ZNF423: variants seen among roughly 807,000 people sequenced by gnomAD.
ZNF423 encodes the protein zinc finger protein 423, also known as Ebf-associated zinc finger protein.
A neutral mutation model predicts 95.8 loss-of-function variants in ZNF423; 12 were observed. That is an observed-to-expected ratio of 0.13 (90% CI 0.08 to 0.20). ZNF423 has a LOEUF of 0.20. Among genes scored for constraint, ZNF423 ranks in the 10% least tolerant of loss-of-function variants. The pLI, the probability that ZNF423 is intolerant of heterozygous loss-of-function variation, is 1.00. For synonymous variants in ZNF423, 749 were observed against 711.9 expected, an observed-to-expected ratio of 1.05 and a Z score of -0.83; for missense variants, 1,316 against 1,737.1, an observed-to-expected ratio of 0.76 and a Z score of 4.31.
chr16:49,696,605 A>G (rs999756350), intron 3 of ZNF423, among the ~76,000 whole-genome samples: 9 of 152,050 alleles, frequency 5.9e-5, no homozygotes, highest in Non-Finnish European at 1.0e-4. Context: ...GGTGGGCTGG[A>G]AGGAAAACCC....
rs1252463774 is a variant in ZNF423, at chr16:49,548,669, G to C, written c.3602-23175C>G. On this transcript the variant is annotated intron_variant, in intron 5 of 7. Coordinates refer to ENST00000563137, the MANE Select transcript of ZNF423 (RefSeq NM_001379286.1). ...GCGGAGCAGAGAGAAGGGAGAGAAG[G>C]AGACAGCCGCCTTCGGGGAAGCACA... 2.6e-5 allele frequency among the ~76,000 whole-genome samples: 4 copies of C among 152,314 alleles called. No individual in the cohort carries two copies. The East Asian group carries it at 5.8e-4, about 22-fold the overall frequency.
intron 5 of ZNF423, among the ~76,000 whole-genome samples, chr16:49,625,894 G>A (rs1430188215): frequency 6.6e-6 from 1 of 152,170 alleles, no homozygotes; most frequent in Non-Finnish European, 1.5e-5. Flanking sequence ...CTTGACAATT[G>A]GAAAGCACTT....
At chr16:49,668,754 G>A (rs912734331) in intron 3 of ZNF423, among the ~76,000 whole-genome samples, 2 of 152,174 alleles carry the variant, frequency 1.3e-5, no homozygotes, top group African/African-American at 4.8e-5. Context: ...CCCCCAGTAA[G>A]CACCAGGCCC....
At chr16:49,780,237 G>T (rs902873594) in intron 2 of ZNF423, among the ~76,000 whole-genome samples, 7 of 152,220 alleles carry the variant, frequency 4.6e-5, no homozygotes, top group African/African-American at 1.4e-4. Context: ...GTGCACAGCA[G>T]GCATGTCGAC....
Position 49,854,049 on chromosome 16 carries a change from C to A in ZNF423, c.40+1686G>T, listed in dbSNP as rs566613433. The A allele has an allele frequency of 6.1e-6, 6 of 985,340 alleles. No homozygotes were observed. The South Asian group carries it at 1.9e-4, about 31-fold the overall frequency. 61.0% of individuals were successfully genotyped at this position (985,340 alleles called of 1,614,324 possible). On this transcript the variant is annotated intron_variant, in intron 1 of 7. Coordinates refer to ENST00000563137, the MANE Select transcript of ZNF423 (RefSeq NM_001379286.1). Reference sequence around the variant, plus strand: ...AAAGAAATCCAGTATTATTTCAAGCCGTACAGCCCTTCCATCAGCAAAAGA... The same window carrying A: ...AAAGAAATCCAGTATTATTTCAAGCAGTACAGCCCTTCCATCAGCAAAAGA...
intron 3 of ZNF423, among the ~76,000 whole-genome samples, chr16:49,657,734 C>T (rs1296661810): frequency 6.6e-6 from 1 of 152,266 alleles, no homozygotes; most frequent in Non-Finnish European, 1.5e-5. Flanking sequence ...CTCCGTCCTA[C>T]TTCCTGGGAG....
chr16:49,712,906 A>G (rs766224385), intron 3 of ZNF423, among the ~76,000 whole-genome samples: 3 of 152,258 alleles, frequency 2.0e-5, no homozygotes, highest in Non-Finnish European at 2.9e-5. Context: ...ACCGTCGTGC[A>G]GGTGACAGCC....
At chr16:49,656,951 C>T (rs2029903923) in intron 3 of ZNF423, among the ~76,000 whole-genome samples, 1 of 152,180 alleles carries the variant, frequency 6.6e-6, no homozygotes, top group African/African-American at 2.4e-5. Flanking sequence ...GGGCTTTGAA[C>T]ATGGATTCCC....
Position 49,637,952 on chromosome 16 carries a change from G to GTCA in ZNF423, c.1221_1223dup (p.Asp408dup). On this transcript the variant is annotated inframe_insertion, in exon 4 of 8. Transcript: ENST00000563137. This position sits in a 1 kb window ranked among gnomAD's most constrained non-coding sequence, Gnocchi z 5.6. ...AGACCACCTTGGTCCAGCCCTGCCC[G>GTCA]TCATCCCGCATCTTCTTCTGCCCCC... is the stretch of plus-strand genomic sequence containing the variant. 1 of 1,614,088 alleles carries GTCA rather than the reference G, an allele frequency of 6.2e-7. No homozygotes were observed. Among genetic ancestry groups the GTCA allele is most frequent in the Non-Finnish European group, 8.5e-7 (1 of 1,180,034 alleles).
chr16:49,530,227 G>A (rs1231368313), intron 5 of ZNF423, among the ~76,000 whole-genome samples: 1 of 152,020 alleles, frequency 6.6e-6, no homozygotes, highest in Non-Finnish European at 1.5e-5. Flanking sequence ...ATCTGCCCTT[G>A]CTGAGACCCC....
chr16:49,607,414 T>C (rs924607207), intron 5 of ZNF423, among the ~76,000 whole-genome samples: 6 of 152,160 alleles, frequency 3.9e-5, no homozygotes, highest in Non-Finnish European at 8.8e-5. Flanking sequence ...CCCAAAGCTA[T>C]GGGTTCTTTA....
chr16:49,701,952 A>G (rs1167818971), intron 3 of ZNF423, among the ~76,000 whole-genome samples: 1 of 152,168 alleles, frequency 6.6e-6, no homozygotes, highest in Non-Finnish European at 1.5e-5. Context: ...CTCAGAATTC[A>G]GGTATTAATA....
At chr16:49,644,939 G>A (rs572630420) in intron 3 of ZNF423, among the ~76,000 whole-genome samples, 1 of 152,230 alleles carries the variant, frequency 6.6e-6, no homozygotes, top group South Asian at 2.1e-4. Flanking sequence ...AGGAGGCTGG[G>A]CCTCCACTGC....
At chr16:49,645,151 G>T (rs918925160) in intron 3 of ZNF423, among the ~76,000 whole-genome samples, 2 of 152,158 alleles carry the variant, frequency 1.3e-5, no homozygotes, top group Non-Finnish European at 2.9e-5. Flanking sequence ...TTGCCAAGGA[G>T]ACCAGTTCCC....
intron 1 of ZNF423, among the ~76,000 whole-genome samples, chr16:49,803,234 G>A (rs1281617043): frequency 6.6e-6 from 1 of 152,098 alleles, no homozygotes; most frequent in African/African-American, 2.4e-5. Flanking sequence ...ACTCTAGCCT[G>A]AGTGACACAG....
intron 3 of ZNF423, among the ~76,000 whole-genome samples, chr16:49,688,801 G>T (rs528890015): frequency 6.6e-6 from 1 of 152,352 alleles, no homozygotes; most frequent in South Asian, 2.1e-4. Flanking sequence ...GGGAGCAGAA[G>T]ACAGATTTCA....
intron 3 of ZNF423, among the ~76,000 whole-genome samples, chr16:49,661,016 T>C (rs1005193501): frequency 6.6e-6 from 1 of 151,940 alleles, no homozygotes; most frequent in Non-Finnish European, 1.5e-5. Flanking sequence ...AGGTTAGGCG[T>C]TCAAGACCAG....
chr16:49,544,006 T>C (rs771275284), intron 5 of ZNF423, among the ~76,000 whole-genome samples: 5 of 152,214 alleles, frequency 3.3e-5, no homozygotes, highest in Non-Finnish European at 7.3e-5. Flanking sequence ...TGTCAGCTGT[T>C]AAATTAACAC....
At chr16:49,518,082 T>C (rs1349496123) in intron 7 of ZNF423, 1 of 447,900 alleles carries the variant, frequency 2.2e-6, no homozygotes. Context: ...AGGATCACAC[T>C]GACAATGGAA....
Sources: gnomAD v4.1 joint callset for allele counts (sites outside exome capture counted in the v4.1 genomes callset) on GRCh38, gnomAD v4.1.1 for gene constraint, Gnocchi (gnomAD v3.1) non-coding constraint, MANE v1.5 for transcripts, NCBI Gene and HGNC (gene_info 2026-07-23, HGNC 2026-07-21) for gene names.